Variants in MRE11 observed in about 807,000 individuals in gnomAD.
MRE11 encodes the protein MRE11 double strand break repair nuclease.
MRE11 carries 62 observed loss-of-function variants against 91.7 expected under a neutral mutation model. That is an observed-to-expected ratio of 0.68 (90% confidence interval 0.55 to 0.84). The LOEUF is 0.84. Ranked by LOEUF, MRE11 falls within the 40% of genes least tolerant of loss-of-function variation. The pLI, the probability that MRE11 is intolerant of heterozygous loss-of-function variation, is 0.00. For synonymous variants in MRE11, 273 were observed against 271.4 expected, an observed-to-expected ratio of 1.01 and a Z score of -0.06; for missense variants, 796 against 852.9, an observed-to-expected ratio of 0.93 and a Z score of 0.83.
intron 15 of MRE11, among the ~76,000 whole-genome samples, chr11:94,446,380 C>T (rs1945932555): frequency 6.6e-6 from 1 of 152,062 alleles, no homozygotes; most frequent in Non-Finnish European, 1.5e-5. Context: ...GCACTCCAGC[C>T]TGGGCAACAG....
intron 14 of MRE11, among the ~76,000 whole-genome samples, chr11:94,455,852 G>A (rs1346342166): frequency 1.3e-5 from 2 of 152,056 alleles, no homozygotes; most frequent in Non-Finnish European, 2.9e-5. Context: ...GGCTTTTGTT[G>A]TATATATCCC....
intron 17 of MRE11, 68 bp downstream of exon 17, chr11:94,437,109 A>G (rs1945638776): frequency 1.5e-6 from 2 of 1,330,586 alleles, no homozygotes; most frequent in South Asian, 1.3e-5. Context: ...TGTAAATCAG[A>G]GAGTTGACAA....
At chr11:94,437,478 TAC>T (rs1045141776) in intron 16 of MRE11, among the ~76,000 whole-genome samples, 1 of 152,200 alleles carries the variant, frequency 6.6e-6, no homozygotes, top group Non-Finnish European at 1.5e-5. Flanking sequence ...TGTTTATAAA[TAC>T]ACACACTAAA....
At chr11:94,430,081 G>C in intron 18 of MRE11, 95 bp from the exon 19 acceptor site, 1 of 1,133,628 alleles carries the variant, frequency 8.8e-7, no homozygotes, top group Non-Finnish European at 1.3e-6. Context: ...CAGCTGCCAC[G>C]AATATAAATA....
Position 94,442,993 on chromosome 11 carries a change from C to T in MRE11, c.1867+2817G>A, listed in dbSNP as rs185473274. ...GCAAAAAGCTAAGGATCTTAGCTAG[C>T]TCTTCTGAAGTACTAAATAATACTT... On this transcript the variant is annotated intron_variant, in intron 16 of 19. Transcript: ENST00000323929. 2.7e-3 allele frequency among the ~76,000 whole-genome samples: 406 copies of T among 152,286 alleles called. 4 individuals carry two copies. Among genetic ancestry groups the T allele is most frequent in the African/African-American group, 9.0e-3 (375 of 41,558 alleles).
chr11:94,432,807 AAAAAC>A (rs1050369840), intron 18 of MRE11, among the ~76,000 whole-genome samples: 3 of 152,372 alleles, frequency 2.0e-5, no homozygotes, highest in Admixed American at 6.5e-5. Context: ...CTCCGTCTCA[AAAAAC>A]AAAACAAAAC....
At chr11:94,488,467 G>A (rs1947198573) in intron 3 of MRE11, among the ~76,000 whole-genome samples, 1 of 152,086 alleles carries the variant, frequency 6.6e-6, no homozygotes, top group Non-Finnish European at 1.5e-5. Context: ...ATACCCAAAG[G>A]AATATAAATC....
intron 19 of MRE11, among the ~76,000 whole-genome samples, chr11:94,423,700 A>C (rs1249464506): frequency 6.6e-6 from 1 of 152,220 alleles, no homozygotes; most frequent in Non-Finnish European, 1.5e-5. Flanking sequence ...GTTCCACCTG[A>C]GTACCTTCCT....
chr11:94,501,876 TCTTTAATA>T, the MRE11 span, among the ~76,000 whole-genome samples: 19 of 152,330 alleles, frequency 1.2e-4, no homozygotes, highest in East Asian at 3.3e-3. Flanking sequence ...TTTGTCAATT[TCTTTAATA>T]CTTTAAAAAT....
intron 3 of MRE11, among the ~76,000 whole-genome samples, chr11:94,487,052 T>C (rs1239402984): frequency 6.6e-6 from 1 of 151,982 alleles, no homozygotes; most frequent in Non-Finnish European, 1.5e-5. Context: ...AGGAAGAAAA[T>C]GATCTCAATC....
At chr11:94,453,438 A>G (rs1237270115) in intron 14 of MRE11, among the ~76,000 whole-genome samples, 3 of 152,136 alleles carry the variant, frequency 2.0e-5, no homozygotes, top group African/African-American at 7.2e-5. Context: ...CCCCACCACC[A>G]ATGTATATGG....
intron 19 of MRE11, among the ~76,000 whole-genome samples, chr11:94,424,240 A>C (rs192248375): frequency 4.6e-5 from 7 of 152,318 alleles, no homozygotes; most frequent in East Asian, 1.9e-4. Context: ...CAAAATTACA[A>C]CACCAAAATA....
At chr11:94,491,386 T>C (rs1171962025) in intron 2 of MRE11, among the ~76,000 whole-genome samples, 1 of 152,220 alleles carries the variant, frequency 6.6e-6, no homozygotes, top group Non-Finnish European at 1.5e-5. Flanking sequence ...TTTATACTAA[T>C]ATGCAATAAT....
chr11:94,429,565 C>T (rs893860296), intron 19 of MRE11, among the ~76,000 whole-genome samples: 3 of 152,166 alleles, frequency 2.0e-5, no homozygotes, highest in Non-Finnish European at 4.4e-5. Context: ...TTAACAGGAA[C>T]AGAAAACCAA....
At chr11:94,486,884 G>T (rs1360097625) in intron 3 of MRE11, among the ~76,000 whole-genome samples, 1 of 152,128 alleles carries the variant, frequency 6.6e-6, no homozygotes, top group East Asian at 1.9e-4. Flanking sequence ...TCTAACACAG[G>T]CTTTCAAGAC....
intron 18 of MRE11, 84 bp downstream of exon 18, chr11:94,435,748 C>A: frequency 8.7e-7 from 1 of 1,150,372 alleles, no homozygotes; most frequent in East Asian, 2.3e-5. Flanking sequence ...ACTTACATGG[C>A]ATAGAAAAAT....
At position 94,485,638 on chromosome 11, in the gene MRE11, G is replaced by T. The variant is rs181052216; in HGVS notation, c.314+286C>A. 1.9e-4 allele frequency among the ~76,000 whole-genome samples: 27 copies of T among 144,466 alleles called. No individual in the cohort carries two copies. The East Asian group carries it at 4.4e-3, about 24-fold the overall frequency. 94.8% of individuals were successfully genotyped at this position (144,466 alleles called of 152,430 possible). On this transcript the variant is annotated intron_variant, in intron 4 of 19. Transcript: ENST00000323929. Reference sequence around the variant, plus strand: ...TTTTTTTTTTTTGAGATGGAGTCTTGCTCTATCACCTAGGCTGGAGTGCAA... The same window carrying T: ...TTTTTTTTTTTTGAGATGGAGTCTTTCTCTATCACCTAGGCTGGAGTGCAA...
intron 7 of MRE11, chr11:94,473,179 T>C (rs1022454103): frequency 5.9e-5 from 9 of 152,128 alleles, no homozygotes; most frequent in African/African-American, 2.4e-5. Flanking sequence ...GCAGAATAAA[T>C]GCAGGGAAGA....
In MRE11 at chr11:94,490,918, A is replaced by G. The variant is rs1190829683; in HGVS notation, c.68T>C (p.Leu23Pro). 6.3e-7 allele frequency: 1 copy of G among 1,577,966 alleles called. No homozygotes were observed. Among genetic ancestry groups the G allele is most frequent in the Non-Finnish European group, 8.7e-7 (1 of 1,147,690 alleles). Residue 23 changes from leucine to proline, a missense_variant, in exon 3 of 20, where the codon CTT becomes CCT. Physicochemically the swap from Leu to Pro is moderately conservative, Grantham distance 98. Transcript: ENST00000323929. The part of the protein sequence containing the change: ...FKILVATDIH[L>P]GFMEKDAVRG... ...GACTGCATCTTTCTCCATAAATCCA[A>G]GATGAATATCTGTTGCAACTAATAT...
Sources: allele counts gnomAD v4.1 joint callset (sites outside exome capture counted in the v4.1 genomes callset), GRCh38; gene constraint gnomAD v4.1.1; transcripts MANE v1.5; gene names NCBI Gene and HGNC (gene_info 2026-07-23, HGNC 2026-07-21).